WASHC3: variants seen among roughly 807,000 people sequenced by gnomAD.
WASHC3 encodes the protein WASH complex subunit 3.
WASHC3 carries 24 observed loss-of-function variants against 26.1 expected under a neutral mutation model. The ratio of observed to expected loss-of-function variants is 0.92; its 90% CI spans 0.66 to 1.29. WASHC3 has a LOEUF of 1.29. Ranked by LOEUF, WASHC3 falls within the 50% of genes most tolerant of loss-of-function variation. The pLI, the probability that WASHC3 is intolerant of heterozygous loss-of-function variation, is 0.00. For synonymous variants in WASHC3, 77 were observed against 75.7 expected, an observed-to-expected ratio of 1.02 and a Z score of -0.09; for missense variants, 214 against 229.6, an observed-to-expected ratio of 0.93 and a Z score of 0.44.
chr12:102,042,414 T>C (rs746439367), intron 4 of WASHC3, among the ~76,000 whole-genome samples: 4 of 152,182 alleles, frequency 2.6e-5, no homozygotes, highest in African/African-American at 7.2e-5. Context: ...TATGTTTAAA[T>C]AAATTGAATA....
At chr12:102,039,133 T>G (rs1224135272) in intron 5 of WASHC3, among the ~76,000 whole-genome samples, 1 of 146,198 alleles carries the variant, frequency 6.8e-6, no homozygotes, top group Admixed American at 6.8e-5. Context: ...GTTAGGTTTT[T>G]TTTTTTTTTT....
intron 2 of WASHC3, among the ~76,000 whole-genome samples, chr12:102,055,385 A>G (rs1414966091): frequency 6.6e-6 from 1 of 152,088 alleles, no homozygotes; most frequent in Non-Finnish European, 1.5e-5. Flanking sequence ...TTGCTCTGTC[A>G]CCCAGGCTGG....
At chr12:102,027,983 C>T (rs1877271238) in intron 5 of WASHC3, among the ~76,000 whole-genome samples, 1 of 151,996 alleles carries the variant, frequency 6.6e-6, no homozygotes, top group African/African-American at 2.4e-5. Context: ...CAATATTGTT[C>T]CATGAGGCAA....
At chr12:102,019,736 T>A (rs1249624326) in intron 6 of WASHC3, among the ~76,000 whole-genome samples, 1 of 152,162 alleles carries the variant, frequency 6.6e-6, no homozygotes, top group Non-Finnish European at 1.5e-5. Context: ...TTTAAAAAGT[T>A]TAAGTTTAAG....
intron 5 of WASHC3, among the ~76,000 whole-genome samples, chr12:102,037,302 A>G (rs757026475): frequency 7.2e-5 from 11 of 152,256 alleles, no homozygotes; most frequent in Non-Finnish European, 1.2e-4. Flanking sequence ...TTGCTTGTGG[A>G]GTTTATAACT....
chr12:102,013,347 C>T (rs775448614), intron 6 of WASHC3, among the ~76,000 whole-genome samples, 155 bp from the exon 7 acceptor site: 17 of 152,310 alleles, frequency 1.1e-4, no homozygotes, highest in Middle Eastern at 3.4e-3. Context: ...GTGCTTCTCT[C>T]GGGCTTCTTG....
At chr12:102,044,708 G>A (rs1398278130) in intron 3 of WASHC3, among the ~76,000 whole-genome samples, 1 of 152,160 alleles carries the variant, frequency 6.6e-6, no homozygotes, top group African/African-American at 2.4e-5. Flanking sequence ...ACTTTAATGT[G>A]TGACACAGCT....
chr12:102,056,978 G>A (rs910999349), intron 2 of WASHC3, among the ~76,000 whole-genome samples: 2 of 152,044 alleles, frequency 1.3e-5, no homozygotes, highest in Non-Finnish European at 2.9e-5. Flanking sequence ...GAAAATCAAA[G>A]GTCAATATCC....
intron 3 of WASHC3, among the ~76,000 whole-genome samples, chr12:102,045,321 A>T (rs1878115092): frequency 6.6e-6 from 1 of 152,220 alleles, no homozygotes. Context: ...AGACGTAGAA[A>T]GTACAAACTA....
intron 6 of WASHC3, among the ~76,000 whole-genome samples, chr12:102,025,685 G>GAAAAAAAAAA (rs771948063): frequency 1.5e-4 from 11 of 73,982 alleles, no homozygotes; most frequent in East Asian, 4.0e-4. Flanking sequence ...GCACAAAAAG[G>GAAAAAAAAAA]AAAAAAAAAA....
chr12:102,015,564 C>T (rs182282093), intron 6 of WASHC3, among the ~76,000 whole-genome samples: 18 of 151,642 alleles, frequency 1.2e-4, no homozygotes, highest in African/African-American at 3.4e-4. Flanking sequence ...AAAGTGTGTT[C>T]GATAATATCT....
At chr12:102,055,633 G>A (rs904294138) in intron 2 of WASHC3, among the ~76,000 whole-genome samples, 1 of 152,166 alleles carries the variant, frequency 6.6e-6, no homozygotes, top group Non-Finnish European at 1.5e-5. Flanking sequence ...GTGGGCCACC[G>A]TGCCCCACCC....
intron 5 of WASHC3, among the ~76,000 whole-genome samples, chr12:102,036,868 T>C (rs925968233): frequency 2.0e-5 from 3 of 152,090 alleles, no homozygotes; most frequent in African/African-American, 7.2e-5. Flanking sequence ...CTCAGTGACA[T>C]CAAGCAAAAA....
intron 2 of WASHC3, among the ~76,000 whole-genome samples, chr12:102,054,391 A>G (rs1565821628): frequency 6.6e-6 from 1 of 152,220 alleles, no homozygotes; most frequent in Non-Finnish European, 1.5e-5. Context: ...GAAAGAATGG[A>G]AAAGAGCTCA....
In WASHC3 at chr12:102,045,733, T is replaced by C. The variant is rs78695128; in HGVS notation, c.216+321A>G. On this transcript the variant is annotated intron_variant, in intron 3 of 6. Transcript: ENST00000240079. ...ATATTAGTATTGTATTATCAAATAATAACTAGTAAAATAAATCTGGAATTT... is the reference window on the plus strand; with the variant it reads ...ATATTAGTATTGTATTATCAAATAACAACTAGTAAAATAAATCTGGAATTT... Among the ~76,000 whole-genome samples the C allele has an allele frequency of 1.8e-4, 27 of 152,326 alleles. No individual in the cohort carries two copies. The East Asian group carries it at 3.9e-3, about 22-fold the overall frequency.
chr12:102,028,340 G>A (rs371000406), intron 5 of WASHC3, among the ~76,000 whole-genome samples: 1 of 152,184 alleles, frequency 6.6e-6, no homozygotes, highest in South Asian at 2.1e-4. Flanking sequence ...ATAACAGGGG[G>A]TAAGTTAGGA....
intron 5 of WASHC3, among the ~76,000 whole-genome samples, chr12:102,038,908 T>C (rs1187876137): frequency 6.6e-6 from 1 of 152,042 alleles, no homozygotes; most frequent in Non-Finnish European, 1.5e-5. Flanking sequence ...AGTATTAGTA[T>C]TGTGCTTCTT....
intron 5 of WASHC3, among the ~76,000 whole-genome samples, chr12:102,026,461 A>G (rs1038737383): frequency 6.6e-5 from 10 of 152,198 alleles, no homozygotes; most frequent in African/African-American, 2.2e-4. Context: ...AGCTATATTA[A>G]TGTTCTTTTA....
intron 6 of WASHC3, among the ~76,000 whole-genome samples, chr12:102,025,436 TA>T (rs1014544118): frequency 1.8e-4 from 27 of 151,896 alleles, no homozygotes; most frequent in East Asian, 3.9e-4. Context: ...ACTTTAAGGT[TA>T]AAAAAAACTC....
Sources: allele counts gnomAD v4.1 joint callset (sites outside exome capture counted in the v4.1 genomes callset), GRCh38; gene constraint gnomAD v4.1.1; transcripts MANE v1.5; gene names NCBI Gene and HGNC (gene_info 2026-07-23, HGNC 2026-07-21).